GNAQ: variants seen among roughly 807,000 people sequenced by gnomAD.
GNAQ encodes the protein guanine nucleotide-binding protein G(q) subunit alpha.
Under a neutral mutation model 43.9 loss-of-function variants are expected in GNAQ, and 8 were observed. The observed-to-expected ratio is 0.18, with a 90% confidence interval of 0.11 to 0.33. The LOEUF (loss-of-function observed/expected upper bound fraction) is 0.33, where lower values mean the gene tolerates loss of function less well. GNAQ is among the 10% of genes least tolerant of loss of function. GNAQ has a pLI of 1.00. For synonymous variants in GNAQ, 155 were observed against 170.7 expected (o/e 0.91, Z 0.71); for missense variants, 158 against 450.8 (o/e 0.35, Z 5.88).
rs1564132585 is a variant in GNAQ at position 77,860,108 on chromosome 9, T to C, written c.322-44338A>G. On this transcript the variant is annotated intron_variant, in intron 2 of 6. Coordinates refer to ENST00000286548, the MANE Select transcript of GNAQ (RefSeq NM_002072.5). ...TAGAAGCCATAAAATACTCCTAAAC[T>C]GAGATTTCATATTAAAGCTGCCCTA... 3.3e-5 allele frequency among the ~76,000 whole-genome samples: 5 copies of C among 152,174 alleles called. No homozygotes were observed. The South Asian group carries it at 8.3e-4, about 25-fold the overall frequency.
intron 5 of GNAQ, among the ~76,000 whole-genome samples, chr9:77,789,817 G>A (rs12003730): frequency 0.012 from 1,836 of 152,248 alleles, 37 homozygotes; most frequent in African/African-American, 0.041. Flanking sequence ...AAGTGTTCAT[G>A]TGTGTCTGCT....
At chr9:77,817,619 C>T (rs142291522) in intron 2 of GNAQ, among the ~76,000 whole-genome samples, 11 of 152,286 alleles carry the variant, frequency 7.2e-5, no homozygotes, top group Admixed American at 2.0e-4. Flanking sequence ...TAGCCATAAG[C>T]TGTATGATTG....
chr9:78,030,704 C>T, intron 1 of GNAQ: 1 of 376,480 alleles, frequency 2.7e-6, no homozygotes. Context: ...CATGGGGTGC[C>T]GCGGCCACGA....
intron 1 of GNAQ, among the ~76,000 whole-genome samples, chr9:77,991,670 C>G (rs1053747709): frequency 6.6e-6 from 1 of 152,194 alleles, no homozygotes; most frequent in East Asian, 1.9e-4. Flanking sequence ...ACCCATCACC[C>G]AAGCAGTGTA....
intron 2 of GNAQ, among the ~76,000 whole-genome samples, chr9:77,824,761 G>T (rs1827167940): frequency 7.2e-6 from 1 of 139,692 alleles, no homozygotes; most frequent in Non-Finnish European, 1.6e-5. Flanking sequence ...GCTTCATCTC[G>T]ATTCCATGAA....
chr9:77,971,606 AC>A (rs1463547554), intron 1 of GNAQ, among the ~76,000 whole-genome samples: 20 of 152,200 alleles, frequency 1.3e-4, no homozygotes, highest in Admixed American at 7.2e-4. Context: ...CTCTCAATAA[AC>A]TAGGTATCAA....
At chr9:77,813,106 G>A (rs1826953681) in intron 3 of GNAQ, among the ~76,000 whole-genome samples, 1 of 151,834 alleles carries the variant, frequency 6.6e-6, no homozygotes, top group Non-Finnish European at 1.5e-5. Flanking sequence ...GTAGAGACAG[G>A]GTTTCACCTG....
chr9:78,017,864 T>G (rs903072234), intron 1 of GNAQ, among the ~76,000 whole-genome samples: 74 of 151,934 alleles, frequency 4.9e-4, no homozygotes, highest in African/African-American at 1.7e-3. Flanking sequence ...GAAACAAACA[T>G]GGGGAAATGA....
At chr9:77,863,179 A>AAGGAAGGAAGGAAGGAAGGAAGG (rs1827883795) in intron 2 of GNAQ, among the ~76,000 whole-genome samples, 4 of 130,030 alleles carry the variant, frequency 3.1e-5, no homozygotes, top group Non-Finnish European at 6.4e-5. Flanking sequence ...CGTATGAAAG[A>AAGGAAGGAAGGAAGGAAGGAAGG]AAGGAAGGAA....
In GNAQ at chr9:77,849,386, G is replaced by A. The variant is rs76443808; in HGVS notation, c.322-33616C>T. 8.4e-3 allele frequency among the ~76,000 whole-genome samples: 1,284 copies of A among 152,088 alleles called. 13 individuals carry two copies. The highest frequency in any genetic ancestry group is 0.024 in the African/African-American group (1,009 of 41,472). On this transcript the variant is annotated intron_variant, in intron 2 of 6. Transcript: ENST00000286548. Reference sequence around the variant, plus strand: ...CTACTTCTCAGCCACAGACAATATCGAGACAAAGCCTTGATACTGGAGTGG... The same window carrying A: ...CTACTTCTCAGCCACAGACAATATCAAGACAAAGCCTTGATACTGGAGTGG...
intron 5 of GNAQ, among the ~76,000 whole-genome samples, chr9:77,791,458 A>G (rs1826571521): frequency 6.6e-6 from 1 of 152,184 alleles, no homozygotes; most frequent in Non-Finnish European, 1.5e-5. Flanking sequence ...CAGGGAAAAT[A>G]AGACAGCAAA....
At chr9:77,934,161 C>G (rs540452475) in intron 1 of GNAQ, among the ~76,000 whole-genome samples, 26 of 152,174 alleles carry the variant, frequency 1.7e-4, no homozygotes, top group Non-Finnish European at 3.4e-4. Context: ...CCTCCCAGCC[C>G]GCCCACAGGA....
intron 1 of GNAQ, among the ~76,000 whole-genome samples, chr9:78,011,669 A>T (rs1004162633): frequency 2.0e-5 from 3 of 152,250 alleles, no homozygotes; most frequent in African/African-American, 7.2e-5. Flanking sequence ...GATAGCAGGT[A>T]CTTCATTCAT....
At chr9:77,924,784 A>G (rs1402286951) in intron 1 of GNAQ, among the ~76,000 whole-genome samples, 2 of 152,160 alleles carry the variant, frequency 1.3e-5, no homozygotes, top group Admixed American at 6.5e-5. Context: ...AAAAAACAAT[A>G]AAAGTATCAA....
rs531736339 is a variant in GNAQ at position 77,883,792 on chromosome 9, C to T, written c.321+38369G>A. On this transcript the variant is annotated intron_variant, in intron 2 of 6. Transcript: ENST00000286548. ...GTGCTCTGTCCCATGTGGTCACACC[C>T]TATCTTTGCTTCCTCCACTTACTCC... Among the ~76,000 whole-genome samples the T allele has an allele frequency of 3.3e-5, 5 of 152,290 alleles. No individual in the cohort carries two copies. The South Asian group carries it at 1.0e-3, about 32-fold the overall frequency.
At chr9:77,872,562 T>C (rs976623312) in intron 2 of GNAQ, among the ~76,000 whole-genome samples, 1 of 152,178 alleles carries the variant, frequency 6.6e-6, no homozygotes, top group South Asian at 2.1e-4. Context: ...TACAAACATA[T>C]ATTTCATAAC....
chr9:78,012,460 GC>G (rs1336020644), intron 1 of GNAQ, among the ~76,000 whole-genome samples: 1 of 151,926 alleles, frequency 6.6e-6, no homozygotes, highest in Admixed American at 6.6e-5. Context: ...ACCCGCCTTG[GC>G]CTCCCAAAGT....
chr9:77,955,478 T>C (rs1205432752), intron 1 of GNAQ, among the ~76,000 whole-genome samples: 4 of 152,194 alleles, frequency 2.6e-5, no homozygotes, highest in African/African-American at 4.8e-5. Flanking sequence ...TGAAAGAAAA[T>C]AGGAAAGTTA....
chr9:77,871,261 T>C (rs997732792), intron 2 of GNAQ, among the ~76,000 whole-genome samples: 1 of 152,190 alleles, frequency 6.6e-6, no homozygotes, highest in Non-Finnish European at 1.5e-5. Flanking sequence ...TTTCTTAAGG[T>C]ATAGTCCTCT....
Sources: gnomAD v4.1 joint callset for allele counts (sites outside exome capture counted in the v4.1 genomes callset) on GRCh38, gnomAD v4.1.1 for gene constraint, MANE v1.5 for transcripts, NCBI Gene and HGNC (gene_info 2026-07-23, HGNC 2026-07-21) for gene names.